Variants in ANKRD30B observed in about 807,000 individuals in gnomAD.
ANKRD30B encodes the protein ankyrin repeat domain 30B.
A neutral mutation model predicts 202.2 loss-of-function variants in ANKRD30B; 144 were observed. The observed-to-expected ratio is 0.71, with a 90% CI of 0.62 to 0.82. ANKRD30B has a LOEUF of 0.82. ANKRD30B is among the 40% of genes least tolerant of loss of function. The probability of loss-of-function intolerance (pLI) is 0.00; values close to 1 mark genes in which losing one functional copy is unlikely to be tolerated. For synonymous variants in ANKRD30B, 508 were observed against 561.3 expected, an observed-to-expected ratio of 0.91 and a Z score of 1.34; for missense variants, 1,487 against 1,669.1, an observed-to-expected ratio of 0.89 and a Z score of 1.90.
rs556611577 is a variant in ANKRD30B, at chr18:14,754,982, A to T, written c.594A>T (p.Ala198=). The change falls in exon 4 of 44, where the codon GCA becomes GCT. Residue 198 remains alanine (A), a synonymous_variant. Transcript: ENST00000690538. ...TTTTACTAACAAAAAATGCAAATGCAAACGCATTTAATGAGTCTAAATGGT... is the reference window on the plus strand; with the variant it reads ...TTTTACTAACAAAAAATGCAAATGCTAACGCATTTAATGAGTCTAAATGGT... ...VEFLLTKNAN[A]NAFNESKCTA... is the part of the protein sequence containing the mutation. The T allele has an allele frequency of 1.7e-5, 26 of 1,540,686 alleles. No individual in the cohort carries two copies. Among genetic ancestry groups the T allele is most frequent in the Non-Finnish European group, 2.1e-5 (24 of 1,142,284 alleles).
At chr18:14,789,817 G>C (rs1032667910) in intron 15 of ANKRD30B, among the ~76,000 whole-genome samples, 1 of 152,162 alleles carries the variant, frequency 6.6e-6, no homozygotes, top group African/African-American at 2.4e-5. Context: ...TTTGAAGTCA[G>C]GTACTGTGAT....
At position 14,808,418 on chromosome 18, in the gene ANKRD30B, A is replaced by G. The variant is rs182957173; in HGVS notation, c.2285-133A>G. On this transcript the variant is annotated intron_variant, in intron 24 of 43. Coordinates refer to ENST00000690538, the MANE Select transcript of ANKRD30B (RefSeq NM_001367607.2). ...ATGTTAACAAATACAAAAACCCAAA[A>G]GACCCCAAAACCTAGTGTAATCCCT... The G allele has an allele frequency of 1.5e-3, 1,499 of 978,548 alleles. 76 individuals are homozygous for G. In the African/African-American group the frequency reaches 0.022, roughly 14 times the overall value. The allele number at this position is 978,548 out of a possible 1,614,324, so 60.6% of individuals were successfully genotyped here. A position where few individuals can be genotyped will look rare whatever the true frequency, so the allele number is the denominator to read the frequency against.
At chr18:14,784,609 A>G (rs139638843) in intron 14 of ANKRD30B, 74 bp downstream of exon 14, 437 of 1,460,708 alleles carry the variant, frequency 3.0e-4, no homozygotes, top group African/African-American at 2.5e-3. Context: ...TCTATCCCCA[A>G]TGATTTATTT....
chr18:14,832,029 C>T (rs1390975360), intron 34 of ANKRD30B, among the ~76,000 whole-genome samples: 1 of 151,856 alleles, frequency 6.6e-6, no homozygotes, highest in Non-Finnish European at 1.5e-5. Context: ...ATCAGTTTCT[C>T]TTCTTGGTTC....
At chr18:14,869,622 A>G in the ANKRD30B span, among the ~76,000 whole-genome samples, 5 of 152,066 alleles carry the variant, frequency 3.3e-5, no homozygotes, top group Non-Finnish European at 7.4e-5. Flanking sequence ...TGTTTGCAAA[A>G]TTTTATTTTG....
chr18:14,825,686 C>G (rs1048664669), intron 32 of ANKRD30B, among the ~76,000 whole-genome samples: 22 of 151,988 alleles, frequency 1.4e-4, no homozygotes, highest in Non-Finnish European at 2.9e-4. Context: ...TTTTTAACCA[C>G]TTTGTCCGAT....
downstream of ANKRD30B, among the ~76,000 whole-genome samples, chr18:14,855,010 C>A (rs1037273042): frequency 6.6e-6 from 1 of 152,126 alleles, no homozygotes; most frequent in African/African-American, 2.4e-5. Flanking sequence ...CAGATAAACA[C>A]GTGAACAAAG....
At chr18:14,761,590 GA>G (rs1367641695) in intron 6 of ANKRD30B, among the ~76,000 whole-genome samples, 2 of 152,170 alleles carry the variant, frequency 1.3e-5, no homozygotes, top group Non-Finnish European at 2.9e-5. Context: ...ACCCTATCTT[GA>G]GACTTTTACA....
chr18:14,875,791 T>C, the ANKRD30B span, among the ~76,000 whole-genome samples: 1 of 152,126 alleles, frequency 6.6e-6, no homozygotes, highest in Non-Finnish European at 1.5e-5. Context: ...GCAAACCTGG[T>C]TTTGAATTCC....
chr18:14,940,143 C>A, the ANKRD30B span, among the ~76,000 whole-genome samples: 2 of 152,134 alleles, frequency 1.3e-5, no homozygotes, highest in South Asian at 2.1e-4. Flanking sequence ...AGGGTGAGGT[C>A]CATGGATCTA....
chr18:14,748,393 G>T lies in ANKRD30B; in HGVS notation c.-27G>T. On this transcript the variant is annotated 5_prime_UTR_variant, in exon 1 of 44. Transcript: ENST00000690538. Reference sequence around the variant, plus strand: ...TGGGGAAGGGCGAGCGGGAGGCGCGGGCTCTCTCTAGCAGGGGGCTGCAGC... The same window carrying T: ...TGGGGAAGGGCGAGCGGGAGGCGCGTGCTCTCTCTAGCAGGGGGCTGCAGC... 2.8e-6 allele frequency: 4 copies of T among 1,419,406 alleles called. No individual in the cohort carries two copies. Among genetic ancestry groups the T allele is most frequent in the Non-Finnish European group, 3.7e-6 (4 of 1,080,462 alleles). 87.9% of individuals were successfully genotyped at this position (1,419,406 alleles called of 1,614,324 possible). A position where few individuals can be genotyped will look rare whatever the true frequency, so the allele number is the denominator to read the frequency against.
At chr18:14,931,854 C>G in the ANKRD30B span, among the ~76,000 whole-genome samples, 1 of 145,576 alleles carries the variant, frequency 6.9e-6, no homozygotes, top group Non-Finnish European at 1.5e-5. Flanking sequence ...CATTTGAGGG[C>G]AGAGCAGTGG....
chr18:14,842,984 C>T, intron 38 of ANKRD30B, 40 bp from the exon 39 acceptor site: 1 of 1,568,988 alleles, frequency 6.4e-7, no homozygotes, highest in Non-Finnish European at 8.7e-7. Context: ...TTGTGAAGTA[C>T]ACATTCGTTA....
intron 15 of ANKRD30B, among the ~76,000 whole-genome samples, chr18:14,788,007 T>C (rs1968197531): frequency 6.6e-6 from 1 of 152,218 alleles, no homozygotes. Context: ...GTCAAAAACA[T>C]GTTGCTTATT....
chr18:14,780,650 A>G (rs112017135), intron 11 of ANKRD30B, among the ~76,000 whole-genome samples: 2,202 of 152,382 alleles, frequency 0.014, 59 homozygotes, highest in African/African-American at 0.051. Flanking sequence ...GTGGGCAAAT[A>G]TATGATTCAG....
At chr18:14,867,248 TA>T in the ANKRD30B span, among the ~76,000 whole-genome samples, 1 of 142,082 alleles carries the variant, frequency 7.0e-6, no homozygotes, top group East Asian at 2.2e-4. Context: ...GCTATCAGGG[TA>T]ACACTGCCTG....
rs1971824878 is a variant in ANKRD30B at position 14,850,207 on chromosome 18, A to G, written c.3396-7A>G. 2.6e-6 allele frequency: 4 copies of G among 1,512,200 alleles called. No individual in the cohort carries two copies. The highest frequency in any genetic ancestry group is 2.8e-5 in the African/African-American group (2 of 70,368). The allele number at this position is 1,512,200 out of a possible 1,614,324, so 93.7% of individuals were successfully genotyped here. On this transcript the variant is annotated splice_polypyrimidine_tract_variant and splice_region_variant and intron_variant, in intron 40 of 43. Coordinates refer to ENST00000690538, the MANE Select transcript of ANKRD30B (RefSeq NM_001367607.2). The stretch of plus-strand genomic sequence containing the variant: ...ATGAATTTTAAGATAAGTATGTTTA[A>G]TGGCAGATTGACTTTAAATCAAGAA...
chr18:14,835,636 T>G (rs1442516920), intron 34 of ANKRD30B, among the ~76,000 whole-genome samples: 1 of 151,568 alleles, frequency 6.6e-6, no homozygotes, highest in African/African-American at 2.4e-5. Context: ...ATCATCAACT[T>G]GAATAATTGT....
At position 14,748,240 on chromosome 18, in the gene ANKRD30B, C is replaced by T. The variant is rs1302846326; in HGVS notation, c.-180C>T. On this transcript the variant is annotated 5_prime_UTR_variant, in exon 1 of 44. Coordinates refer to ENST00000690538, the MANE Select transcript of ANKRD30B (RefSeq NM_001367607.2). ...TTCTCCCGACAGAGGCCGGAGTGTT[C>T]AAGAGCTTGGCGATACAGAAATTTC... 3 of 553,358 alleles carry T rather than the reference C, an allele frequency of 5.4e-6. No homozygotes were observed. In the African/African-American group the frequency reaches 5.7e-5, roughly 11 times the overall value. 34.3% of individuals were successfully genotyped at this position (553,358 alleles called of 1,614,324 possible).
Sources: gnomAD v4.1 joint callset for allele counts (sites outside exome capture counted in the v4.1 genomes callset) on GRCh38, gnomAD v4.1.1 for gene constraint, MANE v1.5 for transcripts, NCBI Gene and HGNC (gene_info 2026-07-23, HGNC 2026-07-21) for gene names.